DUSP9: variants seen among roughly 807,000 people sequenced by gnomAD.
The protein encoded by DUSP9 is dual specificity phosphatase 9.
Under a neutral mutation model 13.2 loss-of-function variants are expected in DUSP9, and 4 were observed. The ratio of observed to expected loss-of-function variants is 0.30; its 90% CI spans 0.15 to 0.69. DUSP9 has a LOEUF of 0.69. Ranked by LOEUF, DUSP9 falls within the 30% of genes least tolerant of loss-of-function variation. The probability of loss-of-function intolerance (pLI) is 0.73; values close to 1 mark genes in which losing one functional copy is unlikely to be tolerated. For synonymous variants in DUSP9, 166 were observed against 172.3 expected (o/e 0.96, Z 0.29); for missense variants, 263 against 355.0 (o/e 0.74, Z 2.08).
intron 2 of DUSP9, among the ~76,000 whole-genome samples, chrX:153,648,732 G>C (rs1384391420): frequency 8.9e-6 from 1 of 111,831 alleles, no homozygotes; most frequent in African/African-American, 3.3e-5. Flanking sequence ...TTAGCCTCCC[G>C]AACAGCATAT....
chrX:153,650,357 C>T lies in DUSP9; in HGVS notation c.*52C>T, dbSNP rs1211421613. 1.1e-6 allele frequency: 1 copy of T among 949,597 alleles called. No homozygotes were observed. Among genetic ancestry groups the T allele is most frequent in the Non-Finnish European group, 1.4e-6 (1 of 701,539 alleles). 78.3% of individuals were successfully genotyped at this position (949,597 alleles called of 1,213,427 possible). A position where few individuals can be genotyped will look rare whatever the true frequency, so the allele number is the denominator to read the frequency against. ...TGCCCCACCCCCACCCACGGGTGTC[C>T]CTGCCCACTCGTGTGGCAAGGGAGG... On this transcript the variant is annotated 3_prime_UTR_variant, in exon 4 of 4. Coordinates refer to ENST00000342782, the MANE Select transcript of DUSP9 (RefSeq NM_001318503.2).
rs782517539 is a variant in DUSP9, at chrX:153,648,100, C to T, written c.147C>T (p.Leu49=). Residue 49 remains leucine (L), a synonymous_variant, in exon 2 of 4, where the codon CTC becomes CTT. Transcript: ENST00000342782. ...CGCTGAGCGTGGCCCTGCCGGCGCTCCTGCTGCGCCGCCTGCGGAGGGGCA... is the reference window on the plus strand; with the variant it reads ...CGCTGAGCGTGGCCCTGCCGGCGCTTCTGCTGCGCCGCCTGCGGAGGGGCA... ...GGALSVALPA[L]LLRRLRRGSL... The T allele has an allele frequency of 4.5e-5, 45 of 1,003,895 alleles. 1 individual carries two copies. The highest frequency in any genetic ancestry group is 5.5e-5 in the Non-Finnish European group (44 of 798,052). The allele number at this position is 1,003,895 out of a possible 1,213,427, so 82.7% of individuals were successfully genotyped here. A position where few individuals can be genotyped will look rare whatever the true frequency, so the allele number is the denominator to read the frequency against.
rs145734430 is a variant in DUSP9, at chrX:153,648,921, G to A, written c.374-311G>A. On this transcript the variant is annotated intron_variant, in intron 2 of 3. Transcript: ENST00000342782. ...TCCTCCTTTTCTTTAGCTGATGGCC[G>A]CAGTCCTCCCTAAGGCTGGCAGTGC... Among the ~76,000 whole-genome samples the A allele has an allele frequency of 4.0e-3, 453 of 112,188 alleles. 2 individuals carry two copies. Among genetic ancestry groups the A allele is most frequent in the African/African-American group, 8.5e-3 (264 of 30,915 alleles).
chrX:153,650,203 G>T lies in DUSP9; in HGVS notation c.1053G>T (p.Ser351=), dbSNP rs782074076. The T allele has an allele frequency of 4.1e-6, 5 of 1,210,761 alleles. No individual in the cohort carries two copies. The East Asian group carries it at 1.2e-4, about 29-fold the overall frequency. ...ERSLRLEERH[S]QEQGSGGQAS... ...GCTTGCGGCTGGAGGAGCGCCACTC[G>T]CAGGAGCAGGGCAGTGGGGGGCAGG... The change falls in exon 4 of 4, where the codon TCG becomes TCT. Residue 351 remains serine, a synonymous_variant. Coordinates refer to ENST00000342782, the MANE Select transcript of DUSP9 (RefSeq NM_001318503.2).
At position 153,647,315 on chromosome X, in the gene DUSP9, C is replaced by A. The variant is rs1445231235; in HGVS notation, c.-146C>A. ...GCACCGCCGCCCCGCCCTCTCCTGG[C>A]GGCCAGGCCTGGGGACTCTCTGCCG... On this transcript the variant is annotated 5_prime_UTR_variant, in exon 1 of 4. Transcript: ENST00000342782. 2.6e-5 allele frequency: 3 copies of A among 113,493 alleles called. No individual in the cohort carries two copies. Among genetic ancestry groups the A allele is most frequent in the African/African-American group, 9.6e-5 (3 of 31,369 alleles). The allele number at this position is 113,493 out of a possible 1,213,427, so 9.4% of individuals were successfully genotyped here. A position where few individuals can be genotyped will look rare whatever the true frequency, so the allele number is the denominator to read the frequency against.
At chrX:153,646,990 C>A (rs782230985), upstream of DUSP9, among the ~76,000 whole-genome samples, 1 of 112,483 alleles carries the variant, frequency 8.9e-6, no homozygotes, top group East Asian at 2.8e-4. Context: ...CCAGGGGAGC[C>A]GCAGCTGGTC....
rs1290249098 is a variant in DUSP9 at position 153,650,462 on chromosome X, G to A, written c.*157G>A. On this transcript the variant is annotated 3_prime_UTR_variant, in exon 4 of 4. Coordinates refer to ENST00000342782, the MANE Select transcript of DUSP9 (RefSeq NM_001318503.2). ...CACGCGGGCTGCCGTCCTAATCAAC[G>A]TGCCTATGGCGGGACCACGCTCGGA... The A allele has an allele frequency of 2.2e-6, 1 of 449,053 alleles. No homozygotes were observed. The highest frequency in any genetic ancestry group is 3.8e-5 in the East Asian group (1 of 26,474). 37.0% of individuals were successfully genotyped at this position (449,053 alleles called of 1,213,427 possible).
chrX:153,645,212 C>G (rs1557035359), upstream of DUSP9, among the ~76,000 whole-genome samples: 1 of 113,007 alleles, frequency 8.8e-6, no homozygotes, highest in African/African-American at 3.2e-5. Flanking sequence ...AGGAGGGAGA[C>G]TACTGGCTCC....
At chrX:153,649,767 A>G in intron 3 of DUSP9, 80 bp downstream of exon 3, 1 of 959,670 alleles carries the variant, frequency 1.0e-6, no homozygotes, top group Non-Finnish European at 1.4e-6. Context: ...ACTCCTCCCA[A>G]GCCCCGCTGC....
Position 153,650,559 on chromosome X carries a change from C to G in DUSP9, c.*254C>G, listed in dbSNP as rs1557036418. On this transcript the variant is annotated 3_prime_UTR_variant, in exon 4 of 4. Transcript: ENST00000342782. ...GGGGGTTCCCTCTCCAGGTGGTTGT[C>G]CAGGCCCAGGTCCCGGCCCTGGGTG... 2.7e-6 allele frequency: 1 copy of G among 373,860 alleles called. No homozygotes were observed. The highest frequency in any genetic ancestry group is 2.6e-5 in the African/African-American group (1 of 38,984). The allele number at this position is 373,860 out of a possible 1,213,427, so 30.8% of individuals were successfully genotyped here.
At position 153,649,275 on chromosome X, in the gene DUSP9, G is replaced by T. The variant is rs782141905; in HGVS notation, c.417G>T (p.Glu139Asp). Residue 139 changes from glutamate to aspartate, a missense_variant, in exon 3 of 4, where the codon GAG becomes GAT. Coordinates refer to ENST00000342782, the MANE Select transcript of DUSP9 (RefSeq NM_001318503.2). ...RFQAECPHLC[E>D]TSLAGRAGSS... ...AGGCCGAGTGCCCTCACCTGTGTGA[G>T]ACCAGCCTTGCTGGCCGTGCCGGCT... The T allele has an allele frequency of 3.3e-6, 4 of 1,210,912 alleles. No homozygotes were observed. The highest frequency in any genetic ancestry group is 4.5e-6 in the Non-Finnish European group (4 of 895,567).
chrX:153,648,764 G>A (rs7887048), intron 2 of DUSP9, among the ~76,000 whole-genome samples: 17,325 of 111,497 alleles, frequency 0.16, 1,220 homozygotes, highest in Middle Eastern at 0.3. Flanking sequence ...TGTCCAGCCC[G>A]GGGAAATAGT....
Position 153,649,539 on chromosome X carries a change from A to G in DUSP9, c.681A>G (p.Lys227=). Residue 227 remains lysine (K), a synonymous_variant, in exon 3 of 4, where the codon AAA becomes AAG. Coordinates refer to ENST00000342782, the MANE Select transcript of DUSP9 (RefSeq NM_001318503.2). ...CCGCCAATTTGGAGAGCCTGGCCAAACTGGGCATCCGCTACATCCTCAATG... is the reference window on the plus strand; with the variant it reads ...CCGCCAATTTGGAGAGCCTGGCCAAGCTGGGCATCCGCTACATCCTCAATG... ...RDSANLESLA[K]LGIRYILNVT... The G allele has an allele frequency of 8.3e-7, 1 of 1,212,026 alleles. No individual in the cohort carries two copies. The highest frequency in any genetic ancestry group is 1.7e-5 in the African/African-American group (1 of 57,929).
chrX:153,646,827 CCCATT>C (rs1557035579), upstream of DUSP9, among the ~76,000 whole-genome samples: 1 of 112,661 alleles, frequency 8.9e-6, no homozygotes, highest in African/African-American at 3.2e-5. Context: ...TAGCTCTGAG[CCCATT>C]ACAGAGATGG....
Position 153,649,333 on chromosome X carries a change from G to A in DUSP9, c.475G>A (p.Val159Met), listed in dbSNP as rs782644901. The A allele has an allele frequency of 2.9e-5, 35 of 1,209,360 alleles. No individual in the cohort carries two copies. Among genetic ancestry groups the A allele is most frequent in the Admixed American group, 1.1e-4 (5 of 45,918 alleles). The change falls in exon 3 of 4, where the codon GTG (valine) becomes ATG (methionine). Residue 159 changes from valine (V) to methionine (M), a missense_variant. Physicochemically the swap from Val to Met is conservative, Grantham distance 21. Coordinates refer to ENST00000342782, the MANE Select transcript of DUSP9 (RefSeq NM_001318503.2). ...GGCGCCGGTGCCCGGTCCAGTGCCC[G>A]TGGTGGGGTTGGGCAGCCTGTGCCT... ...SMAPVPGPVPVVGLGSLCLGS... is the reference protein window; with the variant it reads ...SMAPVPGPVPMVGLGSLCLGS...
At chrX:153,642,884 A>G (rs1011612441), upstream of DUSP9, among the ~76,000 whole-genome samples, 2 of 107,992 alleles carry the variant, frequency 1.9e-5, no homozygotes, top group African/African-American at 3.4e-5. Flanking sequence ...CCTGTAGTGC[A>G]CACACTAGCT....
chrX:153,645,564 C>T (rs1245394464), upstream of DUSP9, among the ~76,000 whole-genome samples: 1 of 113,312 alleles, frequency 8.8e-6, no homozygotes, highest in African/African-American at 3.2e-5. Context: ...TAACCATGAC[C>T]TGAGACATTT....
At position 153,649,389 on chromosome X, in the gene DUSP9, G is replaced by A; in HGVS notation, c.531G>A (p.Glu177=). The A allele has an allele frequency of 8.3e-7, 1 of 1,211,326 alleles. No homozygotes were observed. The highest frequency in any genetic ancestry group is 1.8e-5 in the South Asian group (1 of 57,028). Residue 177 remains glutamate, a synonymous_variant, in exon 3 of 4, where the codon GAG becomes GAA. Coordinates refer to ENST00000342782, the MANE Select transcript of DUSP9 (RefSeq NM_001318503.2). Reference sequence around the variant, plus strand: ...CCGACTGCTCTGATGCGGAATCCGAGGCTGACCGCGACTCCATGAGCTGTG... The same window carrying A: ...CCGACTGCTCTGATGCGGAATCCGAAGCTGACCGCGACTCCATGAGCTGTG... ...LGSDCSDAES[E]ADRDSMSCGL...
Position 153,650,150 on chromosome X carries a change from A to G in DUSP9, c.1000A>G (p.Met334Val). Residue 334 changes from methionine (M) to valine (V), a missense_variant, in exon 4 of 4, where the codon ATG becomes GTG. Met to Val is a conservative substitution (Grantham distance 21). Coordinates refer to ENST00000342782, the MANE Select transcript of DUSP9 (RefSeq NM_001318503.2). The stretch of plus-strand genomic sequence containing the variant: ...TAACATCTCCCCCAACTTCAACTTC[A>G]TGGGGCAGTTGCTGGACTTTGAGCG... ...KSNISPNFNF[M>V]GQLLDFERSL... 1 of 1,212,138 alleles carries G rather than the reference A, an allele frequency of 8.2e-7. No individual in the cohort carries two copies. Among genetic ancestry groups the G allele is most frequent in the East Asian group, 3.0e-5 (1 of 33,803 alleles).
Sources: gnomAD v4.1 joint callset for allele counts (sites outside exome capture counted in the v4.1 genomes callset) on GRCh38, gnomAD v4.1.1 for gene constraint, MANE v1.5 for transcripts, NCBI Gene and HGNC (gene_info 2026-07-23, HGNC 2026-07-21) for gene names.